Variants in CSMD1 observed in about 807,000 individuals in gnomAD.
CSMD1 encodes CUB and Sushi multiple domains 1.
A neutral mutation model predicts 417.5 loss-of-function variants in CSMD1; 213 were observed. The ratio of observed to expected loss-of-function variants is 0.51; its 90% CI spans 0.46 to 0.57. The LOEUF is 0.57. Ranked by LOEUF, CSMD1 falls within the 20% of genes least tolerant of loss-of-function variation. The pLI is 0.00. For synonymous variants in CSMD1, 2,862 were observed against 1,736.8 expected (o/e 1.65, Z -16.11); for missense variants, 6,923 against 4,529.7 (o/e 1.53, Z -15.17).
intron 3 of CSMD1, among the ~76,000 whole-genome samples, chr8:4,355,055 G>C (rs555633972): frequency 6.6e-6 from 1 of 151,950 alleles, no homozygotes. Context: ...GAGGTCAGGA[G>C]ATCGAGACCA....
Position 3,744,327 on chromosome 8 carries a change from G to C in CSMD1, c.931+9603C>G, listed in dbSNP as rs140334771. 7.6e-3 allele frequency among the ~76,000 whole-genome samples: 1,164 copies of C among 152,202 alleles called. 13 individuals carry two copies. Among genetic ancestry groups the C allele is most frequent in the Middle Eastern group, 0.034 (10 of 294 alleles). On this transcript the variant is annotated intron_variant, in intron 6 of 69. Transcript: ENST00000635120. Reference sequence around the variant, plus strand: ...AGCACGGAGAGCATCTACTCTGCCTGTGATACCCTGTGGGCTTCCACTGAT... The same window carrying C: ...AGCACGGAGAGCATCTACTCTGCCTCTGATACCCTGTGGGCTTCCACTGAT...
chr8:4,591,666 G>A (rs752799010), intron 2 of CSMD1, among the ~76,000 whole-genome samples: 3 of 152,168 alleles, frequency 2.0e-5, no homozygotes, highest in Non-Finnish European at 4.4e-5. Flanking sequence ...GTAGGTCAGT[G>A]TCAGATTGGA....
chr8:4,279,877 A>G (rs1796685204), intron 3 of CSMD1, among the ~76,000 whole-genome samples: 1 of 152,190 alleles, frequency 6.6e-6, no homozygotes, highest in South Asian at 2.1e-4. Context: ...TCTGAAGCAG[A>G]TGCCAACTGC....
intron 1 of CSMD1, among the ~76,000 whole-genome samples, chr8:4,790,428 A>T (rs1274843974): frequency 6.6e-6 from 1 of 152,160 alleles, no homozygotes; most frequent in Non-Finnish European, 1.5e-5. Flanking sequence ...CAGATTCAAA[A>T]CTATTCCTTT....
Position 4,962,711 on chromosome 8 carries a change from T to C in CSMD1, c.85+31621A>G, listed in dbSNP as rs146823031. Among the ~76,000 whole-genome samples the C allele has an allele frequency of 1.0e-3, 159 of 152,246 alleles. 3 individuals carry two copies. In the East Asian group the frequency reaches 0.014, roughly 13 times the overall value. On this transcript the variant is annotated intron_variant, in intron 1 of 69. Coordinates refer to ENST00000635120, the MANE Select transcript of CSMD1 (RefSeq NM_033225.6). ...GGGTGGAAGGGATGTGCAAGATTGA[T>C]GGATGGGCAAGAACGGCAGGAGAAG...
intron 3 of CSMD1, among the ~76,000 whole-genome samples, chr8:4,170,518 A>G (rs1441347134): frequency 6.6e-6 from 1 of 151,910 alleles, no homozygotes; most frequent in African/African-American, 2.4e-5. Flanking sequence ...TATTAAGTAG[A>G]GGTAAAGTCT....
rs572521272 is a variant in CSMD1 at position 4,653,380 on chromosome 8, T to A, written c.86-15822A>T. On this transcript the variant is annotated intron_variant, in intron 1 of 69. Transcript: ENST00000635120. ...ATCTTTCCGTGCTGCAGTAGAAACA[T>A]TTTTTTGTTATTACTAAAAATTCTG... Among the ~76,000 whole-genome samples the A allele has an allele frequency of 4.9e-4, 75 of 152,164 alleles. 1 individual carries two copies. Among genetic ancestry groups the A allele is most frequent in the African/African-American group, 1.7e-3 (72 of 41,472 alleles).
chr8:3,881,331 T>C (rs1460387421), intron 5 of CSMD1, among the ~76,000 whole-genome samples: 4 of 149,714 alleles, frequency 2.7e-5, no homozygotes, highest in African/African-American at 4.9e-5. Flanking sequence ...ACTGAATATA[T>C]AGATATATAA....
chr8:3,362,647 T>C (rs1809273021), intron 20 of CSMD1, among the ~76,000 whole-genome samples: 1 of 152,208 alleles, frequency 6.6e-6, no homozygotes, highest in African/African-American at 2.4e-5. Flanking sequence ...TCAATCACTC[T>C]TGAATACATC....
chr8:3,281,746 C>T (rs35109566), intron 26 of CSMD1, among the ~76,000 whole-genome samples: 657 of 152,314 alleles, frequency 4.3e-3, no homozygotes, highest in Non-Finnish European at 7.4e-3. Context: ...GATGTTATTA[C>T]TACAGATGCA....
chr8:4,870,041 G>A (rs1802643881), intron 1 of CSMD1, among the ~76,000 whole-genome samples: 1 of 152,022 alleles, frequency 6.6e-6, no homozygotes, highest in South Asian at 2.1e-4. Context: ...ATGTATTCCT[G>A]TGTACCAGAA....
intron 3 of CSMD1, among the ~76,000 whole-genome samples, chr8:4,055,674 C>T (rs540542186): frequency 1.3e-5 from 2 of 151,572 alleles, no homozygotes; most frequent in South Asian, 4.2e-4. Context: ...TAAATGCCAC[C>T]AAAGTAACAA....
chr8:3,099,592 C>A (rs1429880758), intron 46 of CSMD1, among the ~76,000 whole-genome samples: 1 of 152,174 alleles, frequency 6.6e-6, no homozygotes, highest in East Asian at 1.9e-4. Context: ...TTTATAACTG[C>A]AGCTATAGTT....
At chr8:3,568,660 C>T (rs1799818685) in intron 10 of CSMD1, among the ~76,000 whole-genome samples, 1 of 152,022 alleles carries the variant, frequency 6.6e-6, no homozygotes, top group Admixed American at 6.6e-5. Context: ...TTAGAACACA[C>T]ACCTCTCATT....
At chr8:3,289,261 A>G (rs145930534) in intron 25 of CSMD1, among the ~76,000 whole-genome samples, 6,489 of 146,876 alleles carry the variant, frequency 0.044, 1,425 homozygotes, top group African/African-American at 0.17. Context: ...CGTCTTTGCT[A>G]TTGTGAATAG....
intron 3 of CSMD1, among the ~76,000 whole-genome samples, chr8:4,071,256 C>G (rs1403093308): frequency 6.6e-6 from 1 of 152,086 alleles, no homozygotes; most frequent in South Asian, 2.1e-4. Context: ...CCAAAGAAGC[C>G]TGACGCCCTG....
At chr8:3,294,880 T>C (rs766994239) in intron 25 of CSMD1, among the ~76,000 whole-genome samples, 11 of 152,094 alleles carry the variant, frequency 7.2e-5, no homozygotes, top group Non-Finnish European at 1.3e-4. Flanking sequence ...GGTACCTTAG[T>C]TGGAAATGGA....
intron 3 of CSMD1, among the ~76,000 whole-genome samples, chr8:4,410,947 G>A (rs115228820): frequency 0.015 from 2,311 of 152,208 alleles, 57 homozygotes; most frequent in African/African-American, 0.051. Flanking sequence ...TGTTCTAGTG[G>A]GACTAGGTTA....
chr8:3,982,344 C>T (rs1813947965), intron 5 of CSMD1, among the ~76,000 whole-genome samples: 1 of 151,714 alleles, frequency 6.6e-6, no homozygotes, highest in South Asian at 2.1e-4. Flanking sequence ...ATATTCTCAC[C>T]TGCAAAATGA....
Sources: allele counts gnomAD v4.1 joint callset (sites outside exome capture counted in the v4.1 genomes callset), GRCh38; gene constraint gnomAD v4.1.1; transcripts MANE v1.5; gene names NCBI Gene and HGNC (gene_info 2026-07-23, HGNC 2026-07-21).